The following CATSPERG variants were observed in gnomAD, a reference collection of about 807,000 sequenced individuals.
The protein encoded by CATSPERG is cation channel sperm-associated auxiliary subunit gamma.
A neutral mutation model predicts 145.0 loss-of-function variants in CATSPERG; 115 were observed. The ratio of observed to expected loss-of-function variants is 0.79; its 90% CI spans 0.68 to 0.93. The LOEUF is 0.93. Among genes scored for constraint, CATSPERG ranks in the 40% least tolerant of loss-of-function variants. CATSPERG has a pLI of 0.00. For missense variants in CATSPERG, 1,296 were observed against 1,490.1 expected, an observed-to-expected ratio of 0.87 and a Z score of 2.14; for synonymous variants, 588 against 589.0, an observed-to-expected ratio of 1.00 and a Z score of 0.02.
chr19:38,368,467 G>A (rs993920830), intron 26 of CATSPERG, among the ~76,000 whole-genome samples: 2 of 152,212 alleles, frequency 1.3e-5, no homozygotes, highest in Non-Finnish European at 1.5e-5. Flanking sequence ...CCATCCCAGA[G>A]TGGACAGCTC....
Position 38,361,881 on chromosome 19 carries a change from C to T in CATSPERG, c.2094+20C>T, listed in dbSNP as rs762766951. On this transcript the variant is annotated intron_variant, in intron 17 of 28. Transcript: ENST00000409235. ...GACAAGGTGGGCGTCCGGCGGCGGG[C>T]GGGCAGGCCTGAGACGGGACTGGGG... 2.6e-6 allele frequency: 4 copies of T among 1,551,826 alleles called. No individual in the cohort carries two copies. Among genetic ancestry groups the T allele is most frequent in the Admixed American group, 1.8e-5 (1 of 54,216 alleles).
chr19:38,341,544 G>C (rs984813788), intron 3 of CATSPERG, among the ~76,000 whole-genome samples: 6 of 151,938 alleles, frequency 3.9e-5, no homozygotes, highest in Non-Finnish European at 7.4e-5. Flanking sequence ...AGAGAAGATT[G>C]CTTGAGCCCA....
At chr19:38,351,000 A>G (rs1229731489) in intron 7 of CATSPERG, among the ~76,000 whole-genome samples, 1 of 152,080 alleles carries the variant, frequency 6.6e-6, no homozygotes, top group African/African-American at 2.4e-5. Context: ...AAAAACAAAC[A>G]AACAAAAAAT....
chr19:38,336,455 G>C (rs1403469420), intron 1 of CATSPERG: 6 of 322,220 alleles, frequency 1.9e-5, no homozygotes, highest in Admixed American at 1.3e-4. Context: ...GCGCGGTCAG[G>C]AGCGGAAGCA....
rs1171620970 is a variant in CATSPERG at position 38,354,905 on chromosome 19, G to A, written c.1135+58G>A. ...CCCCTCCATACCCTCTCTCACCTCC[G>A]AGAATTCTAACCTTGGGCCCTCACT... On this transcript the variant is annotated intron_variant, in intron 9 of 28. Coordinates refer to ENST00000409235, the MANE Select transcript of CATSPERG (RefSeq NM_021185.5). 10 of 1,568,940 alleles carry A rather than the reference G, an allele frequency of 6.4e-6. No individual in the cohort carries two copies. In the Admixed American group the frequency reaches 9.4e-5, roughly 15 times the overall value.
rs1282821136 is a variant in CATSPERG, at chr19:38,362,373, CA to C, written c.2158-2del. ...ACTCTGCCCCGCGCATCCGGTACCC[CA>C]GGATTACTACTTCTTCTTGGCGAGC... On this transcript the variant is annotated splice_acceptor_variant, in intron 18 of 28. Transcript: ENST00000409235. LOFTEE classifies it high-confidence loss of function. 5.0e-6 allele frequency: 8 copies of C among 1,614,166 alleles called. No individual in the cohort carries two copies. Among genetic ancestry groups the C allele is most frequent in the Non-Finnish European group, 6.8e-6 (8 of 1,180,004 alleles).
At chr19:38,339,568 C>T (rs1234997454) in intron 3 of CATSPERG, among the ~76,000 whole-genome samples, 3 of 151,902 alleles carry the variant, frequency 2.0e-5, no homozygotes, top group Non-Finnish European at 4.4e-5. Flanking sequence ...GGGTTCTAAG[C>T]GATTCTCCTG....
Position 38,370,893 on chromosome 19 carries a change from T to A in CATSPERG, c.*101T>A, listed in dbSNP as rs769821663. 49 of 1,315,802 alleles carry A rather than the reference T, an allele frequency of 3.7e-5. No homozygotes were observed. Among genetic ancestry groups the A allele is most frequent in the Non-Finnish European group, 1.8e-5 (17 of 946,132 alleles). The allele number at this position is 1,315,802 out of a possible 1,614,324, so 81.5% of individuals were successfully genotyped here. On this transcript the variant is annotated 3_prime_UTR_variant, in exon 29 of 29. Coordinates refer to ENST00000409235, the MANE Select transcript of CATSPERG (RefSeq NM_021185.5). The stretch of plus-strand genomic sequence containing the variant: ...CCCAGCCCAGGCCTCTCTTTCTGTT[T>A]TGCTTGATGTTTACTTCTCGTTCAG...
At chr19:38,361,929 G>A (rs1276020741) in intron 17 of CATSPERG, 68 bp downstream of exon 17, 2 of 1,372,396 alleles carry the variant, frequency 1.5e-6, no homozygotes, top group African/African-American at 2.9e-5. Context: ...GGCTTAGAGG[G>A]CGAGGCCTGT....
chr19:38,364,697 A>G (rs1970417943), intron 20 of CATSPERG, among the ~76,000 whole-genome samples, 194 bp from the exon 21 acceptor site: 1 of 152,258 alleles, frequency 6.6e-6, no homozygotes, highest in Admixed American at 6.5e-5. Flanking sequence ...AGGCTGGCGG[A>G]TCACTCGCGG....
chr19:38,351,235 G>A (rs1025062664), intron 7 of CATSPERG, among the ~76,000 whole-genome samples: 4 of 152,154 alleles, frequency 2.6e-5, no homozygotes, highest in Non-Finnish European at 4.4e-5. Context: ...AGGCTGAGGC[G>A]GGAGGACTGC....
chr19:38,352,351 AC>A lies in CATSPERG; in HGVS notation c.919del (p.Leu307SerfsTer54). The A allele has an allele frequency of 6.4e-7, 1 of 1,551,702 alleles. No individual in the cohort carries two copies. The highest frequency in any genetic ancestry group is 1.2e-5 in the South Asian group (1 of 84,060). Reference protein sequence around the residue: ...TIYDTIATESTLFIRQNQLVY... With the variant: ...TIYDTIATESXLFIRQNQLVY... ...CTATGACACTATTGCCACCGAGAGCACCCTCTTCATTCGGCAGAACCAGCTG... is the reference window on the plus strand; with the variant it reads ...CTATGACACTATTGCCACCGAGAGCACCTCTTCATTCGGCAGAACCAGCTG... On this transcript the variant is annotated frameshift_variant, in exon 8 of 29. Transcript: ENST00000409235. LOFTEE classifies it high-confidence loss of function.
At chr19:38,362,904 G>GCAAGACCCT in intron 20 of CATSPERG, 72 bp downstream of exon 20, 1 of 1,025,238 alleles carries the variant, frequency 9.8e-7, no homozygotes, top group Non-Finnish European at 1.5e-6. Context: ...TTGGAGACAG[G>GCAAGACCCT]GTCTTGCTCT....
intron 20 of CATSPERG, among the ~76,000 whole-genome samples, chr19:38,364,395 C>T (rs1312599729): frequency 6.6e-6 from 1 of 151,784 alleles, no homozygotes; most frequent in African/African-American, 2.4e-5. Flanking sequence ...CCCCACATCT[C>T]AGACGATGGG....
chr19:38,354,643 T>C (rs1970210901), intron 8 of CATSPERG, 67 bp from the exon 9 acceptor site: 2 of 1,566,444 alleles, frequency 1.3e-6, no homozygotes, highest in Admixed American at 3.6e-5. Context: ...GCCAGGGAAA[T>C]GTGGGCAGGG....
chr19:38,362,763 C>G lies in CATSPERG; in HGVS notation c.2406C>G (p.Ala802=), dbSNP rs141890583. Residue 802 remains alanine, a synonymous_variant, in exon 20 of 29, where the codon GCC becomes GCG. Transcript: ENST00000409235. ...HSQVDVGVVL[A]DPGCIEASVK... ...AGGTGGACGTGGGCGTGGTGCTGGC[C>G]GACCCCGGCTGCATCGAGGCCTCGG... 77 of 1,614,086 alleles carry G rather than the reference C, an allele frequency of 4.8e-5. No individual in the cohort carries two copies. The East Asian group carries it at 1.4e-3, about 30-fold the overall frequency.
At chr19:38,362,338 C>G in intron 18 of CATSPERG, 38 bp from the exon 19 acceptor site, 1 of 1,613,594 alleles carries the variant, frequency 6.2e-7, no homozygotes, top group Non-Finnish European at 8.5e-7. Flanking sequence ...GTGCCCCACC[C>G]CCGGCGCTGA....
rs371100984 is a variant in CATSPERG, at chr19:38,370,827, C to T, written c.*35C>T. ...CTGCCCCAGCCCCCAGTTACTGTCA[C>T]GCCTCTCTTATGAGGCCCATCTTGA... On this transcript the variant is annotated 3_prime_UTR_variant, in exon 29 of 29. Transcript: ENST00000409235. The T allele has an allele frequency of 9.7e-5, 155 of 1,604,556 alleles. 1 individual carries two copies. The highest frequency in any genetic ancestry group is 8.0e-4 in the African/African-American group (60 of 74,840).
rs1001992489 is a variant in CATSPERG at position 38,362,205 on chromosome 19, T to G, written c.2095-5T>G. The G allele has an allele frequency of 6.3e-7, 1 of 1,587,712 alleles. No homozygotes were observed. Among genetic ancestry groups the G allele is most frequent in the South Asian group, 1.1e-5 (1 of 88,868 alleles). ...TCCCTTCACGGTGCCGGGCGATCCC[T>G]GCAGCCGTACGCGGACCCGGTGCAC... On this transcript the variant is annotated splice_polypyrimidine_tract_variant and splice_region_variant and intron_variant, in intron 17 of 28. Coordinates refer to ENST00000409235, the MANE Select transcript of CATSPERG (RefSeq NM_021185.5).
Sources: gnomAD v4.1 joint callset for allele counts (sites outside exome capture counted in the v4.1 genomes callset) on GRCh38, gnomAD v4.1.1 for gene constraint, MANE v1.5 for transcripts, NCBI Gene and HGNC (gene_info 2026-07-23, HGNC 2026-07-21) for gene names.